Variants in KCNQ5 observed in about 807,000 individuals in gnomAD.
KCNQ5 encodes potassium voltage-gated channel subfamily Q member 5, also known as potassium voltage-gated channel subfamily KQT member 5.
KCNQ5 carries 30 observed loss-of-function variants against 98.2 expected under a neutral mutation model. The observed-to-expected ratio is 0.31, with a 90% CI of 0.23 to 0.41. The LOEUF is 0.41. Ranked by LOEUF, KCNQ5 falls within the 10% of genes least tolerant of loss-of-function variation. The pLI is 1.00. For synonymous variants in KCNQ5, 458 were observed against 449.4 expected, an observed-to-expected ratio of 1.02 and a Z score of -0.24; for missense variants, 835 against 1,182.5, an observed-to-expected ratio of 0.71 and a Z score of 4.31.
chr6:72,979,985 T>C (rs1443520697), intron 1 of KCNQ5, among the ~76,000 whole-genome samples: 1 of 152,208 alleles, frequency 6.6e-6, no homozygotes, highest in East Asian at 1.9e-4. Flanking sequence ...CAGATGGTTG[T>C]AGATGTGTGG....
intron 5 of KCNQ5, among the ~76,000 whole-genome samples, chr6:73,092,423 G>A (rs1026230481): frequency 6.6e-6 from 1 of 152,126 alleles, no homozygotes; most frequent in Non-Finnish European, 1.5e-5. Flanking sequence ...ATGATGAAGA[G>A]GAGTGATAAG....
At chr6:72,623,585 G>T (rs933571126) in intron 1 of KCNQ5, among the ~76,000 whole-genome samples, 1 of 152,122 alleles carries the variant, frequency 6.6e-6, no homozygotes, top group Admixed American at 6.5e-5. Context: ...TTAGAGTTAC[G>T]TTTATCTGGG....
At chr6:73,081,811 T>C (rs369241101) in intron 5 of KCNQ5, among the ~76,000 whole-genome samples, 5 of 152,256 alleles carry the variant, frequency 3.3e-5, no homozygotes, top group East Asian at 3.9e-4. Context: ...AATCTGACCA[T>C]AGCCTCAGCC....
At chr6:73,171,436 C>T (rs1778012923) in intron 11 of KCNQ5, among the ~76,000 whole-genome samples, 1 of 152,060 alleles carries the variant, frequency 6.6e-6, no homozygotes, top group Admixed American at 6.6e-5. Flanking sequence ...ATGTATAAGC[C>T]CAGATAACCC....
intron 10 of KCNQ5, among the ~76,000 whole-genome samples, chr6:73,137,742 C>T (rs1039006443): frequency 4.6e-5 from 7 of 152,066 alleles, no homozygotes; most frequent in African/African-American, 1.7e-4. Context: ...GTAACTTGCC[C>T]AAGGTCTAGC....
At chr6:72,898,584 T>C (rs1309607291) in intron 1 of KCNQ5, among the ~76,000 whole-genome samples, 1 of 152,216 alleles carries the variant, frequency 6.6e-6, no homozygotes, top group African/African-American at 2.4e-5. Context: ...TTGATGAACA[T>C]TTGGGCTGGT....
At position 72,690,194 on chromosome 6, in the gene KCNQ5, C is replaced by T. The variant is rs1768144011; in HGVS notation, c.398+67607C>T. Reference sequence around the variant, plus strand: ...GGCTGAGGCAAGAGAATCGCCTGAACCCAGAAGCCAGAGGTTGCAGTGAGC... The same window carrying T: ...GGCTGAGGCAAGAGAATCGCCTGAATCCAGAAGCCAGAGGTTGCAGTGAGC... On this transcript the variant is annotated intron_variant, in intron 1 of 13. Coordinates refer to ENST00000370398, the MANE Select transcript of KCNQ5 (RefSeq NM_019842.4). Among the ~76,000 whole-genome samples, 3 of 152,146 alleles carry T rather than the reference C, an allele frequency of 2.0e-5. No individual in the cohort carries two copies. In the South Asian group the frequency reaches 6.2e-4, roughly 32 times the overall value.
chr6:72,859,512 A>C (rs750799251), intron 1 of KCNQ5, among the ~76,000 whole-genome samples: 1 of 151,622 alleles, frequency 6.6e-6, no homozygotes, highest in Non-Finnish European at 1.5e-5. Flanking sequence ...CCATTTCTCT[A>C]TTTTTCTCAA....
intron 1 of KCNQ5, among the ~76,000 whole-genome samples, chr6:72,919,933 C>T (rs565042780): frequency 8.5e-5 from 13 of 152,260 alleles, no homozygotes; most frequent in South Asian, 2.1e-4. Context: ...CAGCAGTTGT[C>T]CACTACAATC....
At chr6:73,157,643 G>T (rs2150489115) in intron 10 of KCNQ5, 2 of 775,186 alleles carry the variant, frequency 2.6e-6, no homozygotes, top group Admixed American at 3.4e-5. Flanking sequence ...ATGGGTGATG[G>T]CTGGGGTCAG....
chr6:73,113,289 T>C (rs969203045), intron 7 of KCNQ5, among the ~76,000 whole-genome samples: 9 of 152,210 alleles, frequency 5.9e-5, no homozygotes, highest in African/African-American at 2.2e-4. Flanking sequence ...TTGCATGGGT[T>C]CCTTTCATCC....
At chr6:73,105,228 G>A (rs1399679638) in intron 5 of KCNQ5, 29 bp from the exon 6 acceptor site, 1 of 1,347,158 alleles carries the variant, frequency 7.4e-7, no homozygotes, top group Non-Finnish European at 1.1e-6. Flanking sequence ...AAGTACTTAA[G>A]CTGCACATTC....
At chr6:72,722,111 T>C (rs903717704) in intron 1 of KCNQ5, among the ~76,000 whole-genome samples, 4 of 151,930 alleles carry the variant, frequency 2.6e-5, no homozygotes, top group Admixed American at 6.6e-5. Context: ...GCTAAGGAAG[T>C]TGAAAAAGGA....
At chr6:72,626,052 A>G (rs962938436) in intron 1 of KCNQ5, among the ~76,000 whole-genome samples, 2 of 152,212 alleles carry the variant, frequency 1.3e-5, no homozygotes, top group African/African-American at 2.4e-5. Context: ...TCCATCTACA[A>G]TTATTAGAGT....
chr6:72,649,839 C>CCTTTACT (rs1386164987), intron 1 of KCNQ5, among the ~76,000 whole-genome samples: 2 of 152,082 alleles, frequency 1.3e-5, no homozygotes, highest in African/African-American at 4.8e-5. Context: ...AGGTCACAGA[C>CCTTTACT]AACATGAACT....
At chr6:72,753,562 G>T (rs910944764) in intron 1 of KCNQ5, among the ~76,000 whole-genome samples, 1 of 152,052 alleles carries the variant, frequency 6.6e-6, no homozygotes, top group African/African-American at 2.4e-5. Context: ...TCAGTAATGC[G>T]TGAGTTTCAG....
chr6:73,195,608 C>T lies in KCNQ5; in HGVS notation c.*194C>T, dbSNP rs1019191177. 1.5e-6 allele frequency: 1 copy of T among 649,102 alleles called. No individual in the cohort carries two copies. The highest frequency in any genetic ancestry group is 2.9e-5 in the East Asian group (1 of 34,522). 40.2% of individuals were successfully genotyped at this position (649,102 alleles called of 1,614,324 possible). A position where few individuals can be genotyped will look rare whatever the true frequency, so the allele number is the denominator to read the frequency against. On this transcript the variant is annotated 3_prime_UTR_variant, in exon 14 of 14. Coordinates refer to ENST00000370398, the MANE Select transcript of KCNQ5 (RefSeq NM_019842.4). ...TGGCTAAAATTCCAAGGTGCATCGA[C>T]ATTAACCCACTCATTTAGTAATGTA...
intron 1 of KCNQ5, among the ~76,000 whole-genome samples, chr6:72,849,857 A>C (rs1582407009): frequency 6.6e-6 from 1 of 152,050 alleles, no homozygotes. Flanking sequence ...TGGTGGATTT[A>C]TTTCTAGTAA....
chr6:72,919,253 A>G (rs1475765407), intron 1 of KCNQ5, among the ~76,000 whole-genome samples: 3 of 152,146 alleles, frequency 2.0e-5, no homozygotes, highest in Non-Finnish European at 4.4e-5. Flanking sequence ...CACCTAGACT[A>G]CTCATTCAGC....
Sources: gnomAD v4.1 joint callset for allele counts (sites outside exome capture counted in the v4.1 genomes callset) on GRCh38, gnomAD v4.1.1 for gene constraint, MANE v1.5 for transcripts, NCBI Gene and HGNC (gene_info 2026-07-23, HGNC 2026-07-21) for gene names.